Variants in MLPH observed in about 807,000 individuals in gnomAD.
MLPH encodes melanophilin, also known as exophilin-3.
MLPH carries 51 observed loss-of-function variants against 72.1 expected under a neutral mutation model. The observed-to-expected ratio is 0.71, with a 90% CI of 0.56 to 0.89. The LOEUF is 0.89. Among genes scored for constraint, MLPH ranks in the 40% least tolerant of loss-of-function variants. MLPH has a pLI of 0.00. For synonymous variants in MLPH, 301 were observed against 310.1 expected (o/e 0.97, Z 0.31); for missense variants, 743 against 759.9 (o/e 0.98, Z 0.26).
chr2:237,511,267 CTTT>C (rs369873696), intron 4 of MLPH, 166 bp downstream of exon 4: 1,784 of 476,322 alleles, frequency 3.7e-3, no homozygotes, highest in East Asian at 6.9e-3. Context: ...CTTCTGGCTG[CTTT>C]TTTTTTTTTT....
At position 237,487,391 on chromosome 2, in the gene MLPH, C is replaced by G. The variant is rs1246058368; in HGVS notation, c.-71C>G. ...CGCCCTGCTTCGTCGCCTCCTTTCT[C>G]TCCCAGGTGCTGGACCAGGGACTGA... is the stretch of plus-strand genomic sequence containing the variant. On this transcript the variant is annotated 5_prime_UTR_variant, in exon 1 of 16. Transcript: ENST00000264605. 6.5e-6 allele frequency: 1 copy of G among 152,852 alleles called. No individual in the cohort carries two copies. The highest frequency in any genetic ancestry group is 1.5e-5 in the Non-Finnish European group (1 of 68,530). The allele number at this position is 152,852 out of a possible 1,614,324, so 9.5% of individuals were successfully genotyped here. A position where few individuals can be genotyped will look rare whatever the true frequency, so the allele number is the denominator to read the frequency against.
At chr2:237,488,422 C>CT (rs1270589320) in intron 1 of MLPH, among the ~76,000 whole-genome samples, 1 of 152,010 alleles carries the variant, frequency 6.6e-6, no homozygotes, top group African/African-American at 2.4e-5. Context: ...AAACCCATCC[C>CT]TCCAGCTGGC....
intron 2 of MLPH, among the ~76,000 whole-genome samples, chr2:237,496,653 G>T (rs1486474068): frequency 6.6e-6 from 1 of 152,226 alleles, no homozygotes; most frequent in Non-Finnish European, 1.5e-5. Flanking sequence ...CTGTGCCTGA[G>T]GCTGTTTGCT....
chr2:237,511,867 G>A (rs974914111), intron 4 of MLPH, among the ~76,000 whole-genome samples: 5 of 152,228 alleles, frequency 3.3e-5, no homozygotes, highest in Admixed American at 2.0e-4. Flanking sequence ...TTCAGGGAGA[G>A]GGTGGGAGGA....
intron 15 of MLPH, among the ~76,000 whole-genome samples, chr2:237,552,807 G>T (rs1476607455): frequency 6.6e-6 from 1 of 152,122 alleles, no homozygotes; most frequent in African/African-American, 2.4e-5. Flanking sequence ...GCAAACCCAG[G>T]GTTTCACTAA....
intron 2 of MLPH, among the ~76,000 whole-genome samples, chr2:237,498,323 T>C (rs57319024): frequency 0.18 from 27,770 of 152,184 alleles, 3,751 homozygotes; most frequent in African/African-American, 0.37. Context: ...AGTATTTCTC[T>C]CCAGATGTGA....
chr2:237,510,900 C>CT lies in MLPH; in HGVS notation c.333-89_333-88insT. On this transcript the variant is annotated intron_variant, in intron 3 of 15. Coordinates refer to ENST00000264605, the MANE Select transcript of MLPH (RefSeq NM_024101.7). This position sits in a 1 kb window ranked among gnomAD's most constrained non-coding sequence, Gnocchi z 4.4. Reference sequence around the variant, plus strand: ...GGGTGGACGCACACATGCACACACTCGTGTGTGTGTGTGTGTGTGTGTGTG... The same window carrying CT: ...GGGTGGACGCACACATGCACACACTCTGTGTGTGTGTGTGTGTGTGTGTGTG... 7.6e-7 allele frequency: 1 copy of CT among 1,319,166 alleles called. No individual in the cohort carries two copies. The highest frequency in any genetic ancestry group is 1.7e-5 in the Admixed American group (1 of 57,756). The allele number at this position is 1,319,166 out of a possible 1,614,324, so 81.7% of individuals were successfully genotyped here. A position where few individuals can be genotyped will look rare whatever the true frequency, so the allele number is the denominator to read the frequency against.
intron 6 of MLPH, among the ~76,000 whole-genome samples, chr2:237,523,477 G>T (rs557885681): frequency 7.2e-5 from 11 of 152,188 alleles, no homozygotes; most frequent in African/African-American, 2.4e-4. Context: ...TAGACACAGG[G>T]GCATGAGTTA....
intron 13 of MLPH, among the ~76,000 whole-genome samples, chr2:237,547,232 G>A (rs2080939923): frequency 6.6e-6 from 1 of 152,256 alleles, no homozygotes; most frequent in African/African-American, 2.4e-5. Flanking sequence ...AAACACTCAG[G>A]AGCCAGTGTG....
intron 15 of MLPH, among the ~76,000 whole-genome samples, chr2:237,552,774 G>A (rs960191577): frequency 3.9e-5 from 6 of 152,184 alleles, no homozygotes; most frequent in African/African-American, 9.7e-5. Flanking sequence ...CCCCAAGAGA[G>A]TTCACCTAAT....
At position 237,517,035 on chromosome 2, in the gene MLPH, GGATGGATA is replaced by G. The variant is rs1180385023; in HGVS notation, c.446-1502_446-1495del. 1.9e-5 allele frequency among the ~76,000 whole-genome samples: 2 copies of G among 103,726 alleles called. 1 individual carries two copies. The highest frequency in any genetic ancestry group is 1.6e-4 in the Admixed American group (2 of 12,192). 68.0% of individuals were successfully genotyped at this position (103,726 alleles called of 152,430 possible). On this transcript the variant is annotated intron_variant, in intron 4 of 15. Coordinates refer to ENST00000264605, the MANE Select transcript of MLPH (RefSeq NM_024101.7). ...TGGATGGATGGATGGATGGATGGATGGATGGATAGGTAAGTGGATGGGTGGATGGATGG... is the reference window on the plus strand; with the variant it reads ...TGGATGGATGGATGGATGGATGGATGGGTAAGTGGATGGGTGGATGGATGG...
chr2:237,508,968 C>T (rs776915685), intron 2 of MLPH, among the ~76,000 whole-genome samples: 15 of 152,302 alleles, frequency 9.8e-5, no homozygotes, highest in Admixed American at 4.6e-4. Flanking sequence ...ATTGGAGCCA[C>T]GTGCCGGGCT....
intron 1 of MLPH, among the ~76,000 whole-genome samples, chr2:237,489,667 T>C (rs1054796284): frequency 1.3e-5 from 2 of 152,194 alleles, no homozygotes; most frequent in African/African-American, 4.8e-5. Flanking sequence ...AGAGAGAGCA[T>C]TCCTGCTGTT....
At chr2:237,518,678 G>A in intron 5 of MLPH, 30 bp downstream of exon 5, 1 of 1,556,182 alleles carries the variant, frequency 6.4e-7, no homozygotes, top group Non-Finnish European at 8.8e-7. Flanking sequence ...CCCCTCCTCA[G>A]CCACCTCGAT....
At chr2:237,494,499 A>C (rs560979317) in intron 2 of MLPH, among the ~76,000 whole-genome samples, 1 of 152,314 alleles carries the variant, frequency 6.6e-6, no homozygotes, top group East Asian at 1.9e-4. Context: ...CGAGCAGAGC[A>C]ACAGCAAGTC....
chr2:237,515,297 A>G (rs368834611), intron 4 of MLPH, among the ~76,000 whole-genome samples: 1 of 152,168 alleles, frequency 6.6e-6, no homozygotes, highest in Non-Finnish European at 1.5e-5. Context: ...TTGATTGAGT[A>G]CATCCGCCGA....
At position 237,554,939 on chromosome 2, in the gene MLPH, T is replaced by C. The variant is rs1167347687; in HGVS notation, c.*1347T>C. Reference sequence around the variant, plus strand: ...ATAAAAACGTGGGAGTTTTTCCATATAATTCCCAGCCTTACTTATAAATTC... The same window carrying C: ...ATAAAAACGTGGGAGTTTTTCCATACAATTCCCAGCCTTACTTATAAATTC... On this transcript the variant is annotated 3_prime_UTR_variant, in exon 16 of 16. Transcript: ENST00000264605. 1 of 152,186 alleles carries C rather than the reference T, an allele frequency of 6.6e-6. No homozygotes were observed. Among genetic ancestry groups the C allele is most frequent in the African/African-American group, 2.4e-5 (1 of 41,436 alleles). 9.4% of individuals were successfully genotyped at this position (152,186 alleles called of 1,614,324 possible).
At chr2:237,528,381 C>T (rs976948935) in intron 8 of MLPH, among the ~76,000 whole-genome samples, 3 of 150,552 alleles carry the variant, frequency 2.0e-5, no homozygotes, top group Non-Finnish European at 2.9e-5. Flanking sequence ...GATGGAGTCT[C>T]CCTCTGTGGC....
chr2:237,548,139 G>C (rs931760812), intron 13 of MLPH, among the ~76,000 whole-genome samples: 2 of 152,216 alleles, frequency 1.3e-5, no homozygotes, highest in Non-Finnish European at 2.9e-5. Flanking sequence ...CAGGGGGTGA[G>C]CTTGATCAAG....
Sources: gnomAD v4.1 joint callset for allele counts (sites outside exome capture counted in the v4.1 genomes callset) on GRCh38, gnomAD v4.1.1 for gene constraint, Gnocchi (gnomAD v3.1) non-coding constraint, MANE v1.5 for transcripts, NCBI Gene and HGNC (gene_info 2026-07-23, HGNC 2026-07-21) for gene names.